Variants in MYOZ1 observed in about 807,000 individuals in gnomAD.
MYOZ1 encodes the protein myozenin-1.
In MYOZ1, 20 loss-of-function variants were observed where a neutral mutation model predicts 28.7. That is an observed-to-expected ratio of 0.70 (90% CI 0.49 to 1.01). The LOEUF is 1.01. Among genes scored for constraint, MYOZ1 ranks in the 50% least tolerant of loss-of-function variants. The pLI, the probability that MYOZ1 is intolerant of heterozygous loss-of-function variation, is 0.00. For synonymous variants in MYOZ1, 144 were observed against 145.8 expected (o/e 0.99, Z 0.09); for missense variants, 371 against 372.4 (o/e 1.00, Z 0.03).
intron 3 of MYOZ1, 81 bp downstream of exon 3, chr10:73,637,663 C>A: frequency 7.5e-7 from 1 of 1,337,624 alleles, no homozygotes; most frequent in Admixed American, 2.3e-5. Flanking sequence ...ATGTTGACTG[C>A]ATTTTGGAGG....
chr10:73,634,415 G>A (rs541843801), intron 4 of MYOZ1, 69 bp downstream of exon 4: 41 of 1,584,322 alleles, frequency 2.6e-5, no homozygotes, highest in Middle Eastern at 3.5e-4. Flanking sequence ...CACACTCAGC[G>A]TAGACATCAT....
At chr10:73,639,746 G>C (rs2081692148) in intron 2 of MYOZ1, among the ~76,000 whole-genome samples, 199 bp downstream of exon 2, 1 of 152,174 alleles carries the variant, frequency 6.6e-6, no homozygotes, top group African/African-American at 2.4e-5. Context: ...AGATTATGAA[G>C]TGAAAAGGGT....
chr10:73,640,970 A>G (rs886227424), intron 1 of MYOZ1, among the ~76,000 whole-genome samples: 1 of 152,150 alleles, frequency 6.6e-6, no homozygotes, highest in Non-Finnish European at 1.5e-5. Flanking sequence ...GAGCATTCAA[A>G]TCCCGACACG....
At chr10:73,640,514 G>A (rs571262666) in intron 1 of MYOZ1, among the ~76,000 whole-genome samples, 105 of 152,148 alleles carry the variant, frequency 6.9e-4, no homozygotes, top group Non-Finnish European at 2.5e-4. Context: ...CTTTTCTTGG[G>A]ATACAGGACA....
chr10:73,632,390 C>G (rs2081640078), intron 5 of MYOZ1, among the ~76,000 whole-genome samples: 1 of 152,100 alleles, frequency 6.6e-6, no homozygotes, highest in Non-Finnish European at 1.5e-5. Context: ...TCTTGGATAG[C>G]TGTGACCCAG....
chr10:73,633,157 C>T (rs946556382), intron 5 of MYOZ1, among the ~76,000 whole-genome samples: 5 of 151,978 alleles, frequency 3.3e-5, no homozygotes, highest in African/African-American at 2.4e-5. Flanking sequence ...ATTAGCTGGG[C>T]GTGGTGGCGG....
At chr10:73,640,794 C>T (rs1444879967) in intron 1 of MYOZ1, among the ~76,000 whole-genome samples, 1 of 152,120 alleles carries the variant, frequency 6.6e-6, no homozygotes, top group Non-Finnish European at 1.5e-5. Context: ...AATATTCTGC[C>T]AGGGTTGAGG....
At chr10:73,639,226 G>A (rs145039683) in intron 2 of MYOZ1, among the ~76,000 whole-genome samples, 2 of 152,144 alleles carry the variant, frequency 1.3e-5, no homozygotes, top group South Asian at 2.1e-4. Flanking sequence ...GGGTTCAAGC[G>A]ATCGTCCCAC....
rs767586169 is a variant in MYOZ1 at position 73,639,996 on chromosome 10, C to A, written c.22G>T (p.Ala8Ser). The change falls in exon 2 of 6, where the codon GCC becomes TCC. Residue 8 changes from alanine (A) to serine (S), a missense_variant. Physicochemically the swap from Ala to Ser is moderately conservative, Grantham distance 99. Transcript: ENST00000359322. MPLSGTPAPNKKRKSSKL... is the reference protein window; with the variant it reads MPLSGTPSPNKKRKSSKL... ...CTGGATTTCCTCTTCTTATTAGGGGCCGGGGTTCCTGAGAGCGGCATTGTG... is the reference window on the plus strand; with the variant it reads ...CTGGATTTCCTCTTCTTATTAGGGGACGGGGTTCCTGAGAGCGGCATTGTG... The A allele has an allele frequency of 8.7e-6, 14 of 1,613,916 alleles. No individual in the cohort carries two copies. Among genetic ancestry groups the A allele is most frequent in the Non-Finnish European group, 1.2e-5 (14 of 1,179,970 alleles).
intron 3 of MYOZ1, among the ~76,000 whole-genome samples, chr10:73,635,565 T>C (rs879548715): frequency 1.3e-5 from 2 of 151,370 alleles, no homozygotes; most frequent in African/African-American, 4.9e-5. Context: ...TTTTTTTTTT[T>C]CCTAGAGACA....
At position 73,632,065 on chromosome 10, in the gene MYOZ1, C is replaced by A. The variant is rs41280400; in HGVS notation, c.765G>T (p.Leu255=). ...TGGAGAGGTTTTGGTTGTAGAGGAC[C>A]AGGGGTTCACTCAGCAAGGGCCCCA... is the stretch of plus-strand genomic sequence containing the variant. ...FDLGPLLSEP[L]VLYNQNLSNR... Residue 255 remains leucine, a synonymous_variant, in exon 6 of 6, where the codon CTG becomes CTT. Coordinates refer to ENST00000359322, the MANE Select transcript of MYOZ1 (RefSeq NM_021245.4). The A allele has an allele frequency of 0.046, 74,251 of 1,614,092 alleles. 2,197 individuals carry two copies. Among genetic ancestry groups the A allele is most frequent in the South Asian group, 0.11 (9,881 of 91,072 alleles).
Position 73,634,554 on chromosome 10 carries a change from T to C in MYOZ1, c.432A>G (p.Thr144=). The C allele has an allele frequency of 6.2e-7, 1 of 1,614,092 alleles. No individual in the cohort carries two copies. Among genetic ancestry groups the C allele is most frequent in the Non-Finnish European group, 8.5e-7 (1 of 1,180,010 alleles). Residue 144 remains threonine, a synonymous_variant, in exon 4 of 6, where the codon ACA becomes ACG. Transcript: ENST00000359322. ...HLGSGSGAGG[T]GGPAGQAGRG... The stretch of plus-strand genomic sequence containing the variant: ...TGCCAGCCTGGCCCGCGGGACCACC[T>C]GTACCCCCAGCTCCAGACCCAGAGC...
In MYOZ1 at chr10:73,631,806, T is replaced by C. The variant is rs1463737876; in HGVS notation, c.*124A>G. The C allele has an allele frequency of 1.2e-6, 1 of 823,760 alleles. No homozygotes were observed. The highest frequency in any genetic ancestry group is 1.9e-6 in the Non-Finnish European group (1 of 516,924). The allele number at this position is 823,760 out of a possible 1,614,324, so 51.0% of individuals were successfully genotyped here. On this transcript the variant is annotated 3_prime_UTR_variant, in exon 6 of 6. Coordinates refer to ENST00000359322, the MANE Select transcript of MYOZ1 (RefSeq NM_021245.4). ...TTGGAGTAAAGGATGGAAAGGTAGA[T>C]CTCTCCTTTTTCCCTCCATTCCCAT...
rs1270645891 is a variant in MYOZ1, at chr10:73,634,637, G to A, written c.349C>T (p.Gln117Ter). 1.2e-6 allele frequency: 2 copies of A among 1,614,072 alleles called. No homozygotes were observed. Among genetic ancestry groups the A allele is most frequent in the Admixed American group, 1.7e-5 (1 of 60,004 alleles). Residue 117 changes from glutamine (Q) to a stop codon, truncating the protein, a stop_gained, in exon 4 of 6, where the codon CAG (glutamine) becomes TAG (stop). Transcript: ENST00000359322. LOFTEE classifies it high-confidence loss of function. ...YSKSNGRGGSQAGGSGSAGQY... is the reference protein window; with the variant it reads ...YSKSNGRGGS ...CCGGCAGAGCCACTGCCCCCTGCCT[G>A]GCTGCCGCCTCTGCCGTTGCTCTTG...
At chr10:73,633,139 A>T (rs2081645462) in intron 5 of MYOZ1, among the ~76,000 whole-genome samples, 1 of 152,030 alleles carries the variant, frequency 6.6e-6, no homozygotes, top group South Asian at 2.1e-4. Flanking sequence ...TCTACTAAAA[A>T]TACAAAAATT....
Position 73,631,925 on chromosome 10 carries a change from A to ACAC in MYOZ1, c.*2_*4dup. 1 of 1,612,224 alleles carries ACAC rather than the reference A, an allele frequency of 6.2e-7. No individual in the cohort carries two copies. Among genetic ancestry groups the ACAC allele is most frequent in the Non-Finnish European group, 8.5e-7 (1 of 1,178,452 alleles). ...GAAATGATGCAAATCAGAGGAGGAA[A>ACAC]CACCTCACAGCTCCTCTGTTTCTCC... On this transcript the variant is annotated 3_prime_UTR_variant, in exon 6 of 6. Coordinates refer to ENST00000359322, the MANE Select transcript of MYOZ1 (RefSeq NM_021245.4).
At chr10:73,632,634 A>AG (rs2081641740) in intron 5 of MYOZ1, among the ~76,000 whole-genome samples, 1 of 149,554 alleles carries the variant, frequency 6.7e-6, no homozygotes, top group East Asian at 2.0e-4. Context: ...CCAAAAAAAA[A>AG]TTAGCTGGGC....
rs552894091 is a variant in MYOZ1 at position 73,634,178 on chromosome 10, A to G, written c.503-113T>C. 1,107 of 1,218,124 alleles carry G rather than the reference A, an allele frequency of 9.1e-4. 17 individuals are homozygous for G. The South Asian group carries it at 0.014, about 16-fold the overall frequency. The allele number at this position is 1,218,124 out of a possible 1,614,324, so 75.5% of individuals were successfully genotyped here. On this transcript the variant is annotated intron_variant, in intron 4 of 5. Coordinates refer to ENST00000359322, the MANE Select transcript of MYOZ1 (RefSeq NM_021245.4). The stretch of plus-strand genomic sequence containing the variant: ...TGCAAGAGCCAGGGACTAAAGATAT[A>G]ATATCCTGGTAATTGTATAAGGTTT...
chr10:73,637,945 G>A (rs752965661), intron 2 of MYOZ1, 23 bp from the exon 3 acceptor site: 2 of 1,595,888 alleles, frequency 1.3e-6, no homozygotes, highest in Non-Finnish European at 8.5e-7. Flanking sequence ...CAAAGAAGAA[G>A]AATCAAGGGA....
Sources: gnomAD v4.1 joint callset for allele counts (sites outside exome capture counted in the v4.1 genomes callset) on GRCh38, gnomAD v4.1.1 for gene constraint, MANE v1.5 for transcripts, NCBI Gene and HGNC (gene_info 2026-07-23, HGNC 2026-07-21) for gene names.